MLLT10: variants seen among roughly 807,000 people sequenced by gnomAD.
MLLT10 encodes protein AF-10.
In MLLT10, 30 loss-of-function variants were observed where a neutral mutation model predicts 129.1. That is an observed-to-expected ratio of 0.23 (90% CI 0.17 to 0.32). The LOEUF (loss-of-function observed/expected upper bound fraction) is 0.32. Ranked by LOEUF, MLLT10 falls within the 10% of genes least tolerant of loss-of-function variation. The pLI is 1.00. For synonymous variants in MLLT10, 490 were observed against 446.4 expected, an observed-to-expected ratio of 1.10 and a Z score of -1.23; for missense variants, 1,119 against 1,268.3, an observed-to-expected ratio of 0.88 and a Z score of 1.79.
chr10:21,702,168 G>A (rs374009249), intron 13 of MLLT10, among the ~76,000 whole-genome samples: 11 of 146,618 alleles, frequency 7.5e-5, no homozygotes, highest in South Asian at 6.5e-4. Flanking sequence ...CTTGTGATCC[G>A]CCCACCTCAG....
chr10:21,680,083 C>T (rs2052581429), intron 11 of MLLT10, among the ~76,000 whole-genome samples: 2 of 152,212 alleles, frequency 1.3e-5, no homozygotes, highest in African/African-American at 2.4e-5. Flanking sequence ...ATATTCTGAG[C>T]AGATTTTGCT....
intron 20 of MLLT10, 46 bp from the exon 21 acceptor site, chr10:21,735,093 C>T (rs964331969): frequency 7.3e-6 from 10 of 1,361,106 alleles, no homozygotes; most frequent in African/African-American, 1.4e-5. Context: ...TCTAAAAATG[C>T]ATTAGAGGTG....
At chr10:21,614,779 C>A in intron 6 of MLLT10, 52 bp from the exon 7 acceptor site, 1 of 1,407,786 alleles carries the variant, frequency 7.1e-7, no homozygotes, top group Non-Finnish European at 9.9e-7. Flanking sequence ...CTTATATATA[C>A]AGGTACTGTG....
intron 13 of MLLT10, among the ~76,000 whole-genome samples, chr10:21,688,876 A>C (rs1252965002): frequency 6.6e-6 from 1 of 152,138 alleles, no homozygotes; most frequent in African/African-American, 2.4e-5. Context: ...ATCAGGAAGA[A>C]TATGAGAACA....
At chr10:21,614,104 G>C (rs2044973571) in intron 6 of MLLT10, among the ~76,000 whole-genome samples, 1 of 150,992 alleles carries the variant, frequency 6.6e-6, no homozygotes, top group African/African-American at 2.4e-5. Flanking sequence ...TGTAGTCCCA[G>C]CTATTTGGGA....
At chr10:21,651,848 T>A in intron 9 of MLLT10, 80 bp downstream of exon 9, 1 of 810,254 alleles carries the variant, frequency 1.2e-6, no homozygotes, top group South Asian at 2.0e-5. Flanking sequence ...CTGTTTTCAT[T>A]CCCTAACTTT....
intron 13 of MLLT10, among the ~76,000 whole-genome samples, chr10:21,704,016 G>GTTTTTTTT (rs60982595): frequency 0.012 from 665 of 56,580 alleles, 14 homozygotes; most frequent in Middle Eastern, 0.026. Context: ...ATTGTTTTTT[G>GTTTTTTTT]TTTTTTTTTT....
intron 6 of MLLT10, among the ~76,000 whole-genome samples, chr10:21,613,918 AAAAAC>A (rs2044944320): frequency 6.6e-6 from 1 of 151,826 alleles, no homozygotes; most frequent in African/African-American, 2.4e-5. Context: ...AAAAAAAACA[AAAAAC>A]AAACAAAACG....
chr10:21,641,215 A>G (rs910608081), intron 8 of MLLT10, among the ~76,000 whole-genome samples: 3 of 152,322 alleles, frequency 2.0e-5, no homozygotes, highest in Middle Eastern at 3.4e-3. Context: ...GTTAATTTGT[A>G]TGTAATTACA....
At chr10:21,640,274 G>GTATTA (rs2047870725) in intron 8 of MLLT10, among the ~76,000 whole-genome samples, 1 of 135,388 alleles carries the variant, frequency 7.4e-6, no homozygotes, top group Admixed American at 7.8e-5. Flanking sequence ...ATATTATATT[G>GTATTA]TATTATATAT....
chr10:21,661,304 T>G (rs1293367744), intron 9 of MLLT10, among the ~76,000 whole-genome samples: 2 of 152,220 alleles, frequency 1.3e-5, no homozygotes, highest in Non-Finnish European at 2.9e-5. Context: ...TCTACAGATG[T>G]CAATTATATA....
In MLLT10 at chr10:21,713,735, G is replaced by A. The variant is rs372192959; in HGVS notation, c.1700-37G>A. ...ATGTGTGTCTGTGACAAATTTGACT[G>A]CTAAGTTATATTTAAATAACATTTG... On this transcript the variant is annotated intron_variant, in intron 13 of 22. Coordinates refer to ENST00000307729, the MANE Select transcript of MLLT10 (RefSeq NM_001195626.3). 7.0e-6 allele frequency: 11 copies of A among 1,572,738 alleles called. No individual in the cohort carries two copies. The African/African-American group carries it at 1.4e-4, about 19-fold the overall frequency.
At chr10:21,584,642 T>G (rs1308853615) in intron 3 of MLLT10, among the ~76,000 whole-genome samples, 1 of 152,028 alleles carries the variant, frequency 6.6e-6, no homozygotes, top group Non-Finnish European at 1.5e-5. Context: ...TTATGCTTTC[T>G]GTACTTTTAA....
chr10:21,555,675 A>AATTTTT lies in MLLT10; in HGVS notation c.240+16763_240+16764insATTTTT, dbSNP rs1554788897. 4.5e-5 allele frequency among the ~76,000 whole-genome samples: 6 copies of AATTTTT among 132,774 alleles called. 1 individual carries two copies. Among genetic ancestry groups the AATTTTT allele is most frequent in the South Asian group, 2.4e-4 (1 of 4,164 alleles). The allele number at this position is 132,774 out of a possible 152,430, so 87.1% of individuals were successfully genotyped here. A position where few individuals can be genotyped will look rare whatever the true frequency, so the allele number is the denominator to read the frequency against. On this transcript the variant is annotated intron_variant, in intron 3 of 22. Transcript: ENST00000307729. Reference sequence around the variant, plus strand: ...TCAGCCTTGATTCAAATGTAAGACAATTTTTTTTTTTTTTTTTTTGAGAGG... The same window carrying AATTTTT: ...TCAGCCTTGATTCAAATGTAAGACAAATTTTTTTTTTTTTTTTTTTTTTTTGAGAGG...
At chr10:21,584,779 A>ATG (rs764434585) in intron 3 of MLLT10, among the ~76,000 whole-genome samples, 1 of 151,394 alleles carries the variant, frequency 6.6e-6, no homozygotes, top group Non-Finnish European at 1.5e-5. Context: ...GTATGTGTGT[A>ATG]TGTGTGTATA....
At chr10:21,700,741 G>C (rs2054828407) in intron 13 of MLLT10, among the ~76,000 whole-genome samples, 1 of 152,112 alleles carries the variant, frequency 6.6e-6, no homozygotes, top group African/African-American at 2.4e-5. Flanking sequence ...AATTCGGTTT[G>C]CTAGCATTTT....
At chr10:21,616,738 T>C (rs2045303324) in intron 7 of MLLT10, among the ~76,000 whole-genome samples, 1 of 152,074 alleles carries the variant, frequency 6.6e-6, no homozygotes, top group Non-Finnish European at 1.5e-5. Flanking sequence ...AAAGTAACAC[T>C]TCAAATATTT....
At chr10:21,705,731 G>A (rs12780960) in intron 13 of MLLT10, among the ~76,000 whole-genome samples, 3 of 152,178 alleles carry the variant, frequency 2.0e-5, no homozygotes, top group African/African-American at 4.8e-5. Flanking sequence ...TAGCGCTGCT[G>A]GGCCCTAGGA....
intron 3 of MLLT10, among the ~76,000 whole-genome samples, chr10:21,546,733 A>T (rs1331888366): frequency 1.4e-5 from 2 of 147,046 alleles, no homozygotes; most frequent in African/African-American, 5.1e-5. Context: ...GTGCCTGGCT[A>T]ATTTTTTTTT....
Sources: gnomAD v4.1 joint callset for allele counts (sites outside exome capture counted in the v4.1 genomes callset) on GRCh38, gnomAD v4.1.1 for gene constraint, MANE v1.5 for transcripts, NCBI Gene and HGNC (gene_info 2026-07-23, HGNC 2026-07-21) for gene names.